Variants in PDSS2 observed in about 807,000 individuals in gnomAD.
PDSS2 encodes all trans-polyprenyl-diphosphate synthase PDSS2.
A neutral mutation model predicts 44.5 loss-of-function variants in PDSS2; 31 were observed. The ratio of observed to expected loss-of-function variants is 0.70; its 90% confidence interval spans 0.52 to 0.94. PDSS2 has a LOEUF of 0.94. PDSS2 is among the 40% of genes least tolerant of loss of function. The pLI is 0.00. For synonymous variants in PDSS2, 157 were observed against 180.3 expected (o/e 0.87, Z 1.03); for missense variants, 452 against 482.2 (o/e 0.94, Z 0.59).
intron 1 of PDSS2, among the ~76,000 whole-genome samples, chr6:107,367,874 A>G (rs1372256815): frequency 1.3e-5 from 2 of 151,890 alleles, no homozygotes; most frequent in African/African-American, 4.8e-5. Context: ...TTTGAGGGTG[A>G]TCATCTATGT....
intron 2 of PDSS2, among the ~76,000 whole-genome samples, chr6:107,293,273 C>A (rs1776404518): frequency 6.6e-6 from 1 of 152,164 alleles, no homozygotes; most frequent in African/African-American, 2.4e-5. Context: ...ATCAGACCTG[C>A]CTCTCTGACC....
intron 3 of PDSS2, among the ~76,000 whole-genome samples, chr6:107,263,489 G>A (rs867399820): frequency 1.1e-4 from 17 of 151,946 alleles, no homozygotes; most frequent in Admixed American, 2.6e-4. Context: ...GCATATGGAA[G>A]AAACATGTAA....
intron 1 of PDSS2, among the ~76,000 whole-genome samples, chr6:107,376,302 G>C (rs1779284119): frequency 6.6e-6 from 1 of 151,868 alleles, no homozygotes; most frequent in South Asian, 2.1e-4. Context: ...TGTGAAGAAA[G>C]TCATTGGTAG....
intron 3 of PDSS2, among the ~76,000 whole-genome samples, chr6:107,273,302 G>A (rs1005000993): frequency 2.6e-5 from 4 of 151,814 alleles, no homozygotes; most frequent in Non-Finnish European, 5.9e-5. Context: ...GGGTGATACA[G>A]TGAGACCATG....
rs141914957 is a variant in PDSS2, at chr6:107,335,656, C to T, written c.297-1324G>A. ...AGGCTAGAAATACTTCCCAGGAATACATTTTCTTTTTAAAGTATTACAAAT... is the reference window on the plus strand; with the variant it reads ...AGGCTAGAAATACTTCCCAGGAATATATTTTCTTTTTAAAGTATTACAAAT... On this transcript the variant is annotated intron_variant, in intron 1 of 7. Coordinates refer to ENST00000369037, the MANE Select transcript of PDSS2 (RefSeq NM_020381.4). Among the ~76,000 whole-genome samples the T allele has an allele frequency of 4.6e-3, 695 of 152,222 alleles. 5 individuals carry two copies. The highest frequency in any genetic ancestry group is 0.015 in the African/African-American group (642 of 41,522).
intron 2 of PDSS2, among the ~76,000 whole-genome samples, chr6:107,274,863 G>A (rs559415436): frequency 1.3e-5 from 2 of 152,040 alleles, no homozygotes; most frequent in Admixed American, 1.3e-4. Context: ...GGTAGAGATG[G>A]GGTTTTGCCA....
intron 4 of PDSS2, among the ~76,000 whole-genome samples, chr6:107,235,845 A>G (rs1044761133): frequency 6.6e-6 from 1 of 152,238 alleles, no homozygotes; most frequent in South Asian, 2.1e-4. Context: ...CATATTAAGT[A>G]GAAACACAGA....
intron 4 of PDSS2, 121 bp downstream of exon 4, chr6:107,245,418 CAAAAAAAAA>C (rs35614951): frequency 2.7e-4 from 33 of 120,338 alleles, no homozygotes; most frequent in African/African-American, 6.7e-4. Flanking sequence ...AAACACTAAT[CAAAAAAAAA>C]AAAAAAAAAA....
chr6:107,214,196 CG>C (rs1237951461), intron 4 of PDSS2, among the ~76,000 whole-genome samples: 4 of 151,800 alleles, frequency 2.6e-5, no homozygotes, highest in Non-Finnish European at 5.9e-5. Flanking sequence ...CTCTGCCTCC[CG>C]GGTTCACTCC....
At chr6:107,338,739 G>C (rs1255217467) in intron 1 of PDSS2, among the ~76,000 whole-genome samples, 1 of 152,192 alleles carries the variant, frequency 6.6e-6, no homozygotes, top group Non-Finnish European at 1.5e-5. Context: ...CCGAAGGAAA[G>C]AGAGGAGGAC....
intron 1 of PDSS2, among the ~76,000 whole-genome samples, chr6:107,418,643 C>A (rs1049450771): frequency 6.6e-6 from 1 of 152,024 alleles, no homozygotes; most frequent in Non-Finnish European, 1.5e-5. Flanking sequence ...GGTGTGGTGG[C>A]AGGCACCTGT....
intron 2 of PDSS2, among the ~76,000 whole-genome samples, chr6:107,308,833 G>A (rs367691461): frequency 5.9e-5 from 9 of 152,198 alleles, no homozygotes; most frequent in African/African-American, 1.9e-4. Flanking sequence ...CCTGCCAGAC[G>A]ATGAACAGAG....
intron 1 of PDSS2, among the ~76,000 whole-genome samples, chr6:107,416,037 AT>A (rs1307849520): frequency 6.6e-6 from 1 of 152,208 alleles, no homozygotes; most frequent in Non-Finnish European, 1.5e-5. Flanking sequence ...CAATGTTTGT[AT>A]TTCTTTATAG....
intron 1 of PDSS2, among the ~76,000 whole-genome samples, chr6:107,414,975 T>A (rs926958652): frequency 1.3e-5 from 2 of 152,144 alleles, no homozygotes; most frequent in South Asian, 4.1e-4. Context: ...TCAAGGGGCA[T>A]AATCATAGAA....
chr6:107,162,759 C>A (rs1771194291), intron 7 of PDSS2, among the ~76,000 whole-genome samples: 4 of 151,578 alleles, frequency 2.6e-5, no homozygotes, highest in Admixed American at 2.6e-4. Context: ...CATGTGCCAC[C>A]ACACCCGACT....
In PDSS2 at chr6:107,222,284, GCTAA is replaced by G. The variant is rs1030215820; in HGVS notation, c.703-10006_703-10003del. 3.3e-5 allele frequency among the ~76,000 whole-genome samples: 5 copies of G among 152,214 alleles called. No homozygotes were observed. In the Middle Eastern group the frequency reaches 0.01, roughly 311 times the overall value. Reference sequence around the variant, plus strand: ...GAATGCAATCTAATATCTCCTGGGAGCTAACTATGTGATGACACTTTTATGTTCT... The same window carrying G: ...GAATGCAATCTAATATCTCCTGGGAGCTATGTGATGACACTTTTATGTTCT... On this transcript the variant is annotated intron_variant, in intron 4 of 7. Transcript: ENST00000369037.
chr6:107,211,601 G>GC (rs2114631598), intron 5 of PDSS2, among the ~76,000 whole-genome samples: 1 of 151,958 alleles, frequency 6.6e-6, no homozygotes, highest in Admixed American at 6.6e-5. Context: ...GTGGTGGCAT[G>GC]TGCCTGTAAT....
intron 1 of PDSS2, among the ~76,000 whole-genome samples, chr6:107,356,696 A>G (rs1778605757): frequency 6.6e-6 from 1 of 152,204 alleles, no homozygotes; most frequent in Admixed American, 6.5e-5. Flanking sequence ...TTTGCTTGAT[A>G]TGAAATAGTA....
intron 1 of PDSS2, among the ~76,000 whole-genome samples, chr6:107,388,615 C>T (rs1171728731): frequency 1.3e-5 from 2 of 152,074 alleles, no homozygotes; most frequent in African/African-American, 4.8e-5. Flanking sequence ...CCCGCCACCA[C>T]GGCTGGCTAA....
Sources: allele counts gnomAD v4.1 joint callset (sites outside exome capture counted in the v4.1 genomes callset), GRCh38; gene constraint gnomAD v4.1.1; transcripts MANE v1.5; gene names NCBI Gene and HGNC (gene_info 2026-07-23, HGNC 2026-07-21).